NR3C2: variants seen among roughly 807,000 people sequenced by gnomAD.
NR3C2 encodes the protein mineralocorticoid receptor.
NR3C2 carries 15 observed loss-of-function variants against 86.4 expected under a neutral mutation model. The ratio of observed to expected loss-of-function variants is 0.17; its 90% confidence interval spans 0.12 to 0.27. The LOEUF (loss-of-function observed/expected upper bound fraction) is 0.27. Ranked by LOEUF, NR3C2 falls within the 10% of genes least tolerant of loss-of-function variation. The probability of loss-of-function intolerance (pLI) is 1.00; values close to 1 mark genes in which losing one functional copy is unlikely to be tolerated. For missense variants in NR3C2, 960 were observed against 1,195.6 expected (o/e 0.80, Z 2.91); for synonymous variants, 458 against 450.5 (o/e 1.02, Z -0.21).
chr4:148,278,261 G>A (rs1305306101), intron 2 of NR3C2, among the ~76,000 whole-genome samples: 2 of 151,866 alleles, frequency 1.3e-5, no homozygotes, highest in Non-Finnish European at 2.9e-5. Context: ...GTGCATGCCT[G>A]GCTAATTTTT....
At chr4:148,252,600 T>G (rs999255151) in intron 3 of NR3C2, among the ~76,000 whole-genome samples, 2 of 152,276 alleles carry the variant, frequency 1.3e-5, no homozygotes, top group East Asian at 3.9e-4. Context: ...CCAAAGTAGC[T>G]CATGAAAATT....
intron 2 of NR3C2, among the ~76,000 whole-genome samples, chr4:148,330,379 C>A (rs1744169910): frequency 6.6e-6 from 1 of 152,130 alleles, no homozygotes; most frequent in African/African-American, 2.4e-5. Flanking sequence ...GATGAAATAA[C>A]CAGCTCTATT....
rs1730426969 is a variant in NR3C2, at chr4:148,079,163, T to TAG, written c.*2180_*2181insCT. 1 of 152,322 alleles carries TAG rather than the reference T, an allele frequency of 6.6e-6. No homozygotes were observed. Among genetic ancestry groups the TAG allele is most frequent in the African/African-American group, 2.4e-5 (1 of 41,472 alleles). The allele number at this position is 152,322 out of a possible 1,614,324, so 9.4% of individuals were successfully genotyped here. On this transcript the variant is annotated 3_prime_UTR_variant, in exon 9 of 9. Coordinates refer to ENST00000358102, the MANE Select transcript of NR3C2 (RefSeq NM_000901.5). Reference sequence around the variant, plus strand: ...AAACTAAGTCTGAACTAAAAGCTGCTTTTGTAAGTAAGCCATTTGTTTGCT... The same window carrying TAG: ...AAACTAAGTCTGAACTAAAAGCTGCTAGTTTGTAAGTAAGCCATTTGTTTGCT...
chr4:148,159,756 G>A (rs4560386), intron 4 of NR3C2, among the ~76,000 whole-genome samples: 152,378 of 152,378 alleles, frequency 1, 76,189 homozygotes, highest in Non-Finnish European at 1. Flanking sequence ...ATCCAAGTGT[G>A]TAATTAAGAT....
chr4:148,286,636 G>C (rs1241952877), intron 2 of NR3C2, among the ~76,000 whole-genome samples: 2 of 152,106 alleles, frequency 1.3e-5, no homozygotes, highest in African/African-American at 4.8e-5. Context: ...GTTTAACCAG[G>C]ATAAAGAAAT....
intron 3 of NR3C2, among the ~76,000 whole-genome samples, chr4:148,217,372 C>T (rs932440468): frequency 6.6e-6 from 1 of 152,200 alleles, no homozygotes; most frequent in Non-Finnish European, 1.5e-5. Flanking sequence ...GGAAAAATCT[C>T]TCATTTCCCA....
chr4:148,304,297 C>T (rs538143322), intron 2 of NR3C2, among the ~76,000 whole-genome samples: 1 of 145,236 alleles, frequency 6.9e-6, no homozygotes, highest in South Asian at 2.3e-4. Context: ...AGAAGCCTGA[C>T]ATGCTGGCAA....
chr4:148,312,577 A>C (rs1742953886), intron 2 of NR3C2, among the ~76,000 whole-genome samples: 1 of 152,222 alleles, frequency 6.6e-6, no homozygotes, highest in Non-Finnish European at 1.5e-5. Context: ...TACTAAAGGA[A>C]TGAAAGAATG....
intron 2 of NR3C2, among the ~76,000 whole-genome samples, chr4:148,365,335 G>A (rs1746057459): frequency 6.6e-6 from 1 of 152,124 alleles, no homozygotes; most frequent in South Asian, 2.1e-4. Flanking sequence ...GGCTTAAAAA[G>A]TCTTGCATTT....
rs188400901 is a variant in NR3C2, at chr4:148,344,062, T to C, written c.1758-83945A>G. Among the ~76,000 whole-genome samples the C allele has an allele frequency of 2.8e-4, 42 of 152,306 alleles. No individual in the cohort carries two copies. In the South Asian group the frequency reaches 3.3e-3, roughly 12 times the overall value. On this transcript the variant is annotated intron_variant, in intron 2 of 8. Transcript: ENST00000358102. ...ATATCTAGAGGAAGGGGGATAGACA[T>C]ATGTTTTATTCAAAATGTAAAGAAT...
chr4:148,443,870 A>G (rs1750472626), upstream of NR3C2: 13 of 436,252 alleles, frequency 3.0e-5, no homozygotes, highest in Non-Finnish European at 3.7e-5. Context: ...CCCCTAACCC[A>G]GGGCTGAGAC....
chr4:148,334,124 AG>A (rs2149972345), intron 2 of NR3C2, among the ~76,000 whole-genome samples: 1 of 152,338 alleles, frequency 6.6e-6, no homozygotes, highest in African/African-American at 2.4e-5. Flanking sequence ...AGATTACAGA[AG>A]TCTTCAGAAA....
Position 148,079,802 on chromosome 4 carries a change from T to TATCTC in NR3C2, c.*1537_*1541dup, listed in dbSNP as rs1730457970. The TATCTC allele has an allele frequency of 6.6e-6, 1 of 152,616 alleles. No individual in the cohort carries two copies. Among genetic ancestry groups the TATCTC allele is most frequent in the Admixed American group, 6.5e-5 (1 of 15,284 alleles). 9.5% of individuals were successfully genotyped at this position (152,616 alleles called of 1,614,324 possible). The stretch of plus-strand genomic sequence containing the variant: ...ACCTTTTAAAAATCTAAAACCCCTC[T>TATCTC]ATCTCCCGGTCTCCATGCCATTCAG... On this transcript the variant is annotated 3_prime_UTR_variant, in exon 9 of 9. Transcript: ENST00000358102.
At chr4:148,166,436 G>T (rs1734881266) in intron 4 of NR3C2, among the ~76,000 whole-genome samples, 1 of 152,216 alleles carries the variant, frequency 6.6e-6, no homozygotes, top group African/African-American at 2.4e-5. Flanking sequence ...CTGTTTACAG[G>T]ACTAACTTCT....
chr4:148,240,932 T>G (rs1161969386), intron 3 of NR3C2, among the ~76,000 whole-genome samples: 1 of 152,110 alleles, frequency 6.6e-6, no homozygotes, highest in African/African-American at 2.4e-5. Context: ...GGATTTCCTG[T>G]TAGGATGAGG....
intron 4 of NR3C2, among the ~76,000 whole-genome samples, chr4:148,161,117 T>C (rs1389860016): frequency 1.3e-5 from 2 of 152,194 alleles, no homozygotes; most frequent in Admixed American, 6.5e-5. Flanking sequence ...AGCTTGTCAA[T>C]TGATTATAAG....
At chr4:148,158,332 A>G (rs1734497617) in intron 4 of NR3C2, among the ~76,000 whole-genome samples, 1 of 152,240 alleles carries the variant, frequency 6.6e-6, no homozygotes. Context: ...GAAAATACTC[A>G]ATAGCATTAA....
At chr4:148,346,160 G>A (rs1350826926) in intron 2 of NR3C2, among the ~76,000 whole-genome samples, 1 of 152,090 alleles carries the variant, frequency 6.6e-6, no homozygotes, top group Admixed American at 6.6e-5. Flanking sequence ...AATAAGGCAT[G>A]TTTGCACTTT....
chr4:148,234,567 T>C (rs950048207), intron 3 of NR3C2, among the ~76,000 whole-genome samples: 1 of 151,550 alleles, frequency 6.6e-6, no homozygotes, highest in Non-Finnish European at 1.5e-5. Context: ...CCTGTAGTCC[T>C]AGCTACTTGG....
Sources: allele counts gnomAD v4.1 joint callset (sites outside exome capture counted in the v4.1 genomes callset), GRCh38; gene constraint gnomAD v4.1.1; transcripts MANE v1.5; gene names NCBI Gene and HGNC (gene_info 2026-07-23, HGNC 2026-07-21).